FRMD4B: variants seen among roughly 807,000 people sequenced by gnomAD.
The protein encoded by FRMD4B is FERM domain containing 4B.
Under a neutral mutation model 141.5 loss-of-function variants are expected in FRMD4B, and 74 were observed. The observed-to-expected ratio is 0.52, with a 90% confidence interval of 0.43 to 0.63. FRMD4B has a LOEUF of 0.63. Ranked by LOEUF, FRMD4B falls within the 30% of genes least tolerant of loss-of-function variation. FRMD4B has a pLI of 0.00. For synonymous variants in FRMD4B, 506 were observed against 467.9 expected, an observed-to-expected ratio of 1.08 and a Z score of -1.05; for missense variants, 1,366 against 1,253.4, an observed-to-expected ratio of 1.09 and a Z score of -1.36.
chr3:69,454,628 G>A (rs535578200), intron 1 of FRMD4B, among the ~76,000 whole-genome samples: 11 of 152,148 alleles, frequency 7.2e-5, no homozygotes, highest in Non-Finnish European at 1.0e-4. Flanking sequence ...CTGCCGGCCC[G>A]CCCACGCCAC....
chr3:69,242,572 T>C (rs72929601), intron 7 of FRMD4B, among the ~76,000 whole-genome samples: 1 of 138,934 alleles, frequency 7.2e-6, no homozygotes, highest in Non-Finnish European at 1.5e-5. Context: ...TGAAGCTGGG[T>C]GTTAATATAC....
At chr3:69,374,806 G>T (rs755946949) in intron 1 of FRMD4B, among the ~76,000 whole-genome samples, 19 of 152,088 alleles carry the variant, frequency 1.2e-4, no homozygotes, top group Admixed American at 4.6e-4. Context: ...GTGGTCAGTG[G>T]GCCCCTTTCC....
intron 1 of FRMD4B, among the ~76,000 whole-genome samples, chr3:69,454,731 G>A (rs1407393432): frequency 1.3e-5 from 2 of 152,234 alleles, no homozygotes; most frequent in Non-Finnish European, 2.9e-5. Flanking sequence ...GGGCTCTGGT[G>A]CAGCCAGAGC....
intron 4 of FRMD4B, among the ~76,000 whole-genome samples, chr3:69,301,012 A>T (rs1446648033): frequency 6.6e-6 from 1 of 152,210 alleles, no homozygotes; most frequent in African/African-American, 2.4e-5. Flanking sequence ...CTGGGATTAC[A>T]GGCGTGAGCC....
At chr3:69,216,194 C>T in intron 11 of FRMD4B, 69 bp downstream of exon 11, 3 of 863,886 alleles carry the variant, frequency 3.5e-6, no homozygotes, top group Non-Finnish European at 5.7e-6. Flanking sequence ...ATGGTGTGTG[C>T]TTTTCAACTA....
intron 12 of FRMD4B, among the ~76,000 whole-genome samples, chr3:69,197,455 A>G (rs1051606272): frequency 3.3e-5 from 5 of 152,144 alleles, no homozygotes; most frequent in Admixed American, 3.3e-4. Flanking sequence ...ATCTAGGTAG[A>G]TTTGGCCGGC....
In FRMD4B at chr3:69,348,290, T is replaced by C. The variant is rs115172689; in HGVS notation, c.163-34773A>G. Reference sequence around the variant, plus strand: ...CTCCCAAGAATAAACCTGGAAGAAGTTGAATCCCTGAAAAAGACCAATAAG... The same window carrying C: ...CTCCCAAGAATAAACCTGGAAGAAGCTGAATCCCTGAAAAAGACCAATAAG... On this transcript the variant is annotated intron_variant, in intron 1 of 22. Coordinates refer to ENST00000398540, the MANE Select transcript of FRMD4B (RefSeq NM_015123.3). Among the ~76,000 whole-genome samples, 1,265 of 152,176 alleles carry C rather than the reference T, an allele frequency of 8.3e-3. 26 individuals are homozygous for C. Among genetic ancestry groups the C allele is most frequent in the African/African-American group, 0.029 (1,190 of 41,508 alleles).
chr3:69,515,290 T>C (rs1043945885), intron 1 of FRMD4B, among the ~76,000 whole-genome samples: 2 of 152,150 alleles, frequency 1.3e-5, no homozygotes, highest in Non-Finnish European at 2.9e-5. Flanking sequence ...TTCCACCAGG[T>C]ACCACCTCCT....
At chr3:69,484,573 T>C (rs1706183017) in intron 1 of FRMD4B, among the ~76,000 whole-genome samples, 1 of 152,126 alleles carries the variant, frequency 6.6e-6, no homozygotes, top group Admixed American at 6.5e-5. Flanking sequence ...AGGCAGGTCA[T>C]CCCATCAAGT....
intron 4 of FRMD4B, chr3:69,293,095 G>A (rs1449228791): frequency 2.3e-6 from 1 of 442,032 alleles, no homozygotes; most frequent in East Asian, 7.2e-5. Flanking sequence ...CCACTCATTA[G>A]TGATGACAGA....
At chr3:69,347,231 A>G (rs1418021592) in intron 1 of FRMD4B, among the ~76,000 whole-genome samples, 1 of 152,240 alleles carries the variant, frequency 6.6e-6, no homozygotes, top group African/African-American at 2.4e-5. Context: ...AAAAGAGACA[A>G]AGAAGGCCAT....
intron 1 of FRMD4B, among the ~76,000 whole-genome samples, chr3:69,318,569 C>G (rs1205646355): frequency 6.6e-6 from 1 of 152,120 alleles, no homozygotes; most frequent in Non-Finnish European, 1.5e-5. Flanking sequence ...GGTTACATGT[C>G]CGCGCAGCAC....
Position 69,426,390 on chromosome 3 carries a change from A to C in FRMD4B, c.-1+6244T>G, listed in dbSNP as rs539465479. On this transcript the variant is annotated intron_variant, in intron 2 of 5. Coordinates refer to the FRMD4B transcript ENST00000459638. ...GATTACGGAGATTAACATTCAAAAG[A>C]CAGTCAACAGAGAATAGTCCAGAAG... Among the ~76,000 whole-genome samples, 3 of 152,210 alleles carry C rather than the reference A, an allele frequency of 2.0e-5. No individual in the cohort carries two copies. In the South Asian group the frequency reaches 6.2e-4, roughly 32 times the overall value.
At chr3:69,228,347 G>A (rs2093274094) in intron 7 of FRMD4B, 1 of 456,882 alleles carries the variant, frequency 2.2e-6, no homozygotes, top group South Asian at 1.5e-5. Context: ...CAAATATCTT[G>A]GGGCCAAGTG....
chr3:69,310,601 G>C lies in FRMD4B; in HGVS notation c.323+662C>G, dbSNP rs1269314511. 142 of 219,870 alleles carry C rather than the reference G, an allele frequency of 6.5e-4. 1 individual carries two copies. The highest frequency in any genetic ancestry group is 4.8e-3 in the African/African-American group (128 of 26,842). 13.6% of individuals were successfully genotyped at this position (219,870 alleles called of 1,614,324 possible). ...ACACACAGAGAGAGAGAGAGAGAGA[G>C]AGAGAGAGAGAAAAGAGCTAGTAAA... On this transcript the variant is annotated intron_variant, in intron 3 of 22. Transcript: ENST00000398540.
chr3:69,176,055 T>C (rs4241385), intron 22 of FRMD4B, among the ~76,000 whole-genome samples: 146,818 of 152,194 alleles, frequency 0.96, 71,003 homozygotes, highest in Non-Finnish European at 1. Flanking sequence ...GCTGGCATTA[T>C]AGGCATGAGC....
chr3:69,203,750 C>A (rs2092995792), intron 11 of FRMD4B, among the ~76,000 whole-genome samples: 1 of 152,152 alleles, frequency 6.6e-6, no homozygotes, highest in African/African-American at 2.4e-5. Context: ...CAGCCCAACG[C>A]CTGGCTCAGT....
intron 1 of FRMD4B, among the ~76,000 whole-genome samples, chr3:69,448,492 G>A (rs1705444223): frequency 6.6e-6 from 1 of 152,194 alleles, no homozygotes; most frequent in African/African-American, 2.4e-5. Context: ...AGCAGTGTAT[G>A]GGAATTCCAG....
At chr3:69,301,296 T>C (rs1199582738) in intron 4 of FRMD4B, among the ~76,000 whole-genome samples, 2 of 152,136 alleles carry the variant, frequency 1.3e-5, no homozygotes, top group Admixed American at 6.5e-5. Context: ...TCAAGCTAGG[T>C]AGAGAAATAT....
Sources: gnomAD v4.1 joint callset for allele counts (sites outside exome capture counted in the v4.1 genomes callset) on GRCh38, gnomAD v4.1.1 for gene constraint, MANE v1.5 for transcripts, NCBI Gene and HGNC (gene_info 2026-07-23, HGNC 2026-07-21) for gene names.